The following ACOX1 variants were observed in gnomAD, a reference collection of about 807,000 sequenced individuals.
ACOX1 encodes the protein acyl-CoA oxidase 1, also known as peroxisomal acyl-coenzyme A oxidase 1.
ACOX1 carries 41 observed loss-of-function variants against 75.5 expected under a neutral mutation model. The observed-to-expected ratio is 0.54, with a 90% CI of 0.42 to 0.70. The LOEUF is 0.70. Among genes scored for constraint, ACOX1 ranks in the 30% least tolerant of loss-of-function variants. The probability of loss-of-function intolerance (pLI) is 0.00; values close to 1 mark genes in which losing one functional copy is unlikely to be tolerated. For missense variants in ACOX1, 630 were observed against 837.5 expected (o/e 0.75, Z 3.06); for synonymous variants, 303 against 298.8 (o/e 1.01, Z -0.15).
intron 2 of ACOX1, among the ~76,000 whole-genome samples, chr17:75,975,357 A>G (rs2066038461): frequency 6.6e-6 from 1 of 151,958 alleles, no homozygotes; most frequent in Non-Finnish European, 1.5e-5. Flanking sequence ...GCGTTTTGCC[A>G]TGTTGGCCAG....
At chr17:75,970,782 G>A (rs577341590) in intron 2 of ACOX1, among the ~76,000 whole-genome samples, 1 of 152,242 alleles carries the variant, frequency 6.6e-6, no homozygotes, top group Non-Finnish European at 1.5e-5. Context: ...CTCTATTGCC[G>A]ATCTCCTGGA....
chr17:75,951,679 A>G, intron 7 of ACOX1, 102 bp from the exon 8 acceptor site: 2 of 1,185,130 alleles, frequency 1.7e-6, no homozygotes, highest in Non-Finnish European at 2.5e-6. Flanking sequence ...TAACTTATTT[A>G]GTCCTCTTAA....
chr17:75,967,221 A>T (rs895343401), intron 2 of ACOX1, among the ~76,000 whole-genome samples: 1 of 152,170 alleles, frequency 6.6e-6, no homozygotes, highest in Non-Finnish European at 1.5e-5. Flanking sequence ...CTGTAATCCT[A>T]GCACTTTGGG....
At chr17:75,973,584 T>C in intron 2 of ACOX1, 1 of 1,610,162 alleles carries the variant, frequency 6.2e-7, no homozygotes. Flanking sequence ...TTAACTGATG[T>C]CCTGAGGTGG....
chr17:75,975,792 G>A (rs12600699), intron 2 of ACOX1, among the ~76,000 whole-genome samples: 7,868 of 151,512 alleles, frequency 0.052, 225 homozygotes, highest in East Asian at 0.13. Context: ...AAATACAAAA[G>A]TTAGCTGGGT....
Position 75,951,490 on chromosome 17 carries a change from C to T in ACOX1, c.1032G>A (p.Val344=), listed in dbSNP as rs749518158. ...GATAGGTCTCCTTCATGTATGCGCC[C>T]ACAAACTGGAAGGCATAGGCAGTGG... ...LLATAYAFQF[V]GAYMKETYHR... is the part of the protein sequence containing the mutation. The change falls in exon 8 of 14, where the codon GTG becomes GTA. Residue 344 remains valine (V), a synonymous_variant. Transcript: ENST00000293217. The T allele has an allele frequency of 5.6e-6, 9 of 1,614,126 alleles. No individual in the cohort carries two copies. The highest frequency in any genetic ancestry group is 7.6e-6 in the Non-Finnish European group (9 of 1,180,018).
chr17:75,956,602 C>T (rs1224151409), intron 4 of ACOX1, among the ~76,000 whole-genome samples: 1 of 151,038 alleles, frequency 6.6e-6, no homozygotes, highest in African/African-American at 2.4e-5. Context: ...GCAGGAGAAT[C>T]GCTTGAACCC....
Position 75,948,598 on chromosome 17 carries a change from A to C in ACOX1, c.1729-141T>G, listed in dbSNP as rs2065744215. 3 of 779,054 alleles carry C rather than the reference A, an allele frequency of 3.9e-6. No individual in the cohort carries two copies. The South Asian group carries it at 5.0e-5, about 13-fold the overall frequency. The allele number at this position is 779,054 out of a possible 1,614,324, so 48.3% of individuals were successfully genotyped here. A position where few individuals can be genotyped will look rare whatever the true frequency, so the allele number is the denominator to read the frequency against. On this transcript the variant is annotated intron_variant, in intron 12 of 13. Transcript: ENST00000293217. ...AGACTGAGTTTCACTCTTGTTGCCCAGGCTGGAGTACAATGGTGTGATCTT... is the reference window on the plus strand; with the variant it reads ...AGACTGAGTTTCACTCTTGTTGCCCCGGCTGGAGTACAATGGTGTGATCTT...
intron 2 of ACOX1, among the ~76,000 whole-genome samples, chr17:75,965,410 G>A (rs2065923007): frequency 6.6e-6 from 1 of 150,924 alleles, no homozygotes; most frequent in Non-Finnish European, 1.5e-5. Flanking sequence ...AAAATAACAG[G>A]AAAGAAATAG....
chr17:75,955,986 G>A (rs768827035), intron 4 of ACOX1, 39 bp from the exon 5 acceptor site: 57 of 1,613,156 alleles, frequency 3.5e-5, no homozygotes, highest in Admixed American at 5.0e-5. Flanking sequence ...GTGGGCAAAC[G>A]TTCATACATT....
Position 75,955,954 on chromosome 17 carries a change from TATCAA to T in ACOX1, c.539-12_539-8del. The T allele has an allele frequency of 6.2e-7, 1 of 1,614,060 alleles. No homozygotes were observed. Among genetic ancestry groups the T allele is most frequent in the African/African-American group, 1.3e-5 (1 of 75,026 alleles). ...TGATTTGAAGTCTTTCCAACTGTAA[TATCAA>T]AGAGAACAAGGGAGGGGTGGGCAAA... is the stretch of plus-strand genomic sequence containing the variant. On this transcript the variant is annotated splice_polypyrimidine_tract_variant and splice_region_variant and intron_variant, in intron 4 of 13. Transcript: ENST00000293217.
chr17:75,962,506 T>C (rs2065896403), intron 2 of ACOX1, among the ~76,000 whole-genome samples: 1 of 152,180 alleles, frequency 6.6e-6, no homozygotes, highest in Non-Finnish European at 1.5e-5. Flanking sequence ...CTATGTGTCT[T>C]TGAAATGAGC....
At chr17:75,967,370 G>T (rs2065941603) in intron 2 of ACOX1, among the ~76,000 whole-genome samples, 1 of 150,958 alleles carries the variant, frequency 6.6e-6, no homozygotes, top group African/African-American at 2.4e-5. Context: ...TCGGGAGGCT[G>T]AGCCAGGAGA....
intron 13 of ACOX1, 75 bp from the exon 14 acceptor site, chr17:75,946,870 G>GT: frequency 2.8e-6 from 4 of 1,413,762 alleles, no homozygotes; most frequent in Non-Finnish European, 3.9e-6. Context: ...TTTTGTTTTT[G>GT]TTTTTGTTTT....
chr17:75,948,241 G>A lies in ACOX1; in HGVS notation c.1935+10C>T. ...ACTTTTAAAAAGGTGCAGAGACACT[G>A]GATTTTTACCTCTGCTTTGTTCAGT... On this transcript the variant is annotated intron_variant, in intron 13 of 13. Transcript: ENST00000293217. 6.2e-7 allele frequency: 1 copy of A among 1,613,580 alleles called. No homozygotes were observed. The highest frequency in any genetic ancestry group is 8.5e-7 in the Non-Finnish European group (1 of 1,179,576).
chr17:75,965,270 G>A (rs187593021), intron 2 of ACOX1, among the ~76,000 whole-genome samples: 77 of 150,020 alleles, frequency 5.1e-4, no homozygotes, highest in African/African-American at 1.4e-3. Context: ...CCCAGGAGGC[G>A]GAGCTGGCAG....
chr17:75,965,172 C>G (rs1002066015), intron 2 of ACOX1, among the ~76,000 whole-genome samples: 6 of 151,916 alleles, frequency 3.9e-5, no homozygotes, highest in African/African-American at 1.5e-4. Flanking sequence ...CCCATCTCTA[C>G]TAAAAATACA....
intron 3 of ACOX1, among the ~76,000 whole-genome samples, chr17:75,958,352 CAAA>C (rs1279952402): frequency 9.0e-5 from 6 of 66,996 alleles, no homozygotes; most frequent in Admixed American, 1.7e-4. Context: ...GACTCCATCT[CAAA>C]AAAAAAAAAA....
At chr17:75,948,132 G>T in intron 13 of ACOX1, 119 bp downstream of exon 13, 2 of 986,226 alleles carry the variant, frequency 2.0e-6, no homozygotes, top group Non-Finnish European at 3.2e-6. Flanking sequence ...TAAAGTGACT[G>T]TCAGAAGTGG....
Sources: gnomAD v4.1 joint callset for allele counts (sites outside exome capture counted in the v4.1 genomes callset) on GRCh38, gnomAD v4.1.1 for gene constraint, MANE v1.5 for transcripts, NCBI Gene and HGNC (gene_info 2026-07-23, HGNC 2026-07-21) for gene names.